Variants in ADGRL3 observed in about 807,000 individuals in gnomAD.
ADGRL3 encodes calcium-independent alpha-latrotoxin receptor 3.
In ADGRL3, 62 loss-of-function variants were observed where a neutral mutation model predicts 153.5. That is an observed-to-expected ratio of 0.40 (90% CI 0.33 to 0.50). The LOEUF (loss-of-function observed/expected upper bound fraction) is 0.50, where lower values mean the gene tolerates loss of function less well. ADGRL3 is among the 20% of genes least tolerant of loss of function. The pLI is 0.47. For missense variants in ADGRL3, 1,641 were observed against 1,859.4 expected (o/e 0.88, Z 2.16); for synonymous variants, 710 against 672.5 (o/e 1.06, Z -0.86).
intron 1 of ADGRL3, among the ~76,000 whole-genome samples, chr4:61,244,276 G>A (rs991195667): frequency 6.6e-6 from 1 of 151,840 alleles, no homozygotes; most frequent in African/African-American, 2.4e-5. Flanking sequence ...TCTACTCTCT[G>A]GGGCATATTT....
At chr4:61,361,231 T>TTAA (rs1050359868) in intron 1 of ADGRL3, among the ~76,000 whole-genome samples, 1 of 152,148 alleles carries the variant, frequency 6.6e-6, no homozygotes, top group South Asian at 2.1e-4. Flanking sequence ...TAAAGTGGGT[T>TTAA]TAATAATAAT....
chr4:61,577,363 C>T (rs1001893897), intron 4 of ADGRL3, among the ~76,000 whole-genome samples: 1 of 151,980 alleles, frequency 6.6e-6, no homozygotes. Flanking sequence ...TTAACTGTGA[C>T]CTCCATTCAT....
intron 1 of ADGRL3, among the ~76,000 whole-genome samples, chr4:61,349,768 G>A (rs560674746): frequency 2.6e-5 from 4 of 152,130 alleles, no homozygotes; most frequent in East Asian, 3.9e-4. Context: ...AAACTGCGGG[G>A]CCTATAAAGC....
intron 8 of ADGRL3, among the ~76,000 whole-genome samples, chr4:61,754,023 G>A (rs1014313290): frequency 6.6e-6 from 1 of 152,184 alleles, no homozygotes; most frequent in Non-Finnish European, 1.5e-5. Flanking sequence ...TCCTGAGCCT[G>A]CCGGGAAGTG....
At chr4:61,830,707 T>C (rs2097858904) in intron 9 of ADGRL3, among the ~76,000 whole-genome samples, 1 of 152,060 alleles carries the variant, frequency 6.6e-6, no homozygotes, top group Non-Finnish European at 1.5e-5. Context: ...TGCTACAGAA[T>C]AGGAAAATAT....
chr4:61,947,877 T>A lies in ADGRL3; in HGVS notation c.2629-223T>A, dbSNP rs532552004. On this transcript the variant is annotated intron_variant, in intron 16 of 26. Transcript: ENST00000683033. Reference sequence around the variant, plus strand: ...TGGTACTAGTATATTATTTTAGTGTTAATTTAAAAAAATAGTGCACTCTTC... The same window carrying A: ...TGGTACTAGTATATTATTTTAGTGTAAATTTAAAAAAATAGTGCACTCTTC... Among the ~76,000 whole-genome samples, 392 of 152,312 alleles carry A rather than the reference T, an allele frequency of 2.6e-3. 3 individuals are homozygous for A. The highest frequency in any genetic ancestry group is 2.9e-3 in the Admixed American group (44 of 15,288).
intron 1 of ADGRL3, among the ~76,000 whole-genome samples, chr4:61,289,185 C>A (rs2094069354): frequency 6.6e-6 from 1 of 151,846 alleles, no homozygotes; most frequent in Non-Finnish European, 1.5e-5. Flanking sequence ...TAAATTCTAA[C>A]AGGCATGACT....
intron 9 of ADGRL3, among the ~76,000 whole-genome samples, chr4:61,835,240 C>A (rs1406092330): frequency 6.7e-6 from 1 of 148,196 alleles, no homozygotes; most frequent in Admixed American, 6.8e-5. Flanking sequence ...AAAACGAGTT[C>A]TGCGGCTCCT....
At position 61,829,487 on chromosome 4, in the gene ADGRL3, G is replaced by A. The variant is rs542115897; in HGVS notation, c.1480+15598G>A. ...AAATTCCATACTCAATTATGTTAAT[G>A]CCCGTATCTGTTTAAAATAAGCACA... On this transcript the variant is annotated intron_variant, in intron 9 of 26. Transcript: ENST00000683033. Among the ~76,000 whole-genome samples the A allele has an allele frequency of 2.0e-5, 3 of 152,178 alleles. No homozygotes were observed. In the South Asian group the frequency reaches 6.2e-4, roughly 32 times the overall value.
At chr4:61,919,132 C>G (rs1286577483) in intron 13 of ADGRL3, among the ~76,000 whole-genome samples, 1 of 152,096 alleles carries the variant, frequency 6.6e-6, no homozygotes, top group East Asian at 1.9e-4. Flanking sequence ...GCTGGATGTC[C>G]TTGTTAAAGT....
intron 3 of ADGRL3, among the ~76,000 whole-genome samples, chr4:61,516,695 A>T (rs1560767943): frequency 2.0e-5 from 3 of 152,148 alleles, no homozygotes; most frequent in Non-Finnish European, 1.5e-5. Context: ...AAATGTGTGT[A>T]TATCCTTTTC....
chr4:61,709,939 C>A (rs1456312399), intron 6 of ADGRL3, among the ~76,000 whole-genome samples: 2 of 152,038 alleles, frequency 1.3e-5, no homozygotes, highest in Admixed American at 1.3e-4. Context: ...TTGACTTTTA[C>A]CATGATATAG....
At chr4:62,029,186 G>A (rs752967587) in intron 22 of ADGRL3, among the ~76,000 whole-genome samples, 1 of 151,620 alleles carries the variant, frequency 6.6e-6, no homozygotes, top group Non-Finnish European at 1.5e-5. Flanking sequence ...CTTTCATTGT[G>A]ATGTGTTCCT....
At chr4:61,896,651 A>G (rs1481444726) in intron 11 of ADGRL3, among the ~76,000 whole-genome samples, 1 of 152,204 alleles carries the variant, frequency 6.6e-6, no homozygotes, top group African/African-American at 2.4e-5. Context: ...CCAGTAGATC[A>G]TTTAGCAGAT....
chr4:61,385,428 A>G (rs534572070), intron 2 of ADGRL3: 6 of 152,418 alleles, frequency 3.9e-5, no homozygotes, highest in South Asian at 2.1e-4. Flanking sequence ...GGAAACAGCA[A>G]TCCTTCAATG....
intron 21 of ADGRL3, among the ~76,000 whole-genome samples, chr4:62,010,741 A>T (rs978894304): frequency 2.6e-5 from 4 of 152,102 alleles, no homozygotes; most frequent in African/African-American, 9.7e-5. Context: ...CTGTCTTCAA[A>T]TTCTTTATGA....
At chr4:61,654,454 G>A (rs539735825) in intron 5 of ADGRL3, among the ~76,000 whole-genome samples, 5 of 151,946 alleles carry the variant, frequency 3.3e-5, no homozygotes, top group Admixed American at 6.5e-5. Context: ...TTAATATGCT[G>A]TAGGGATGTA....
intron 21 of ADGRL3, among the ~76,000 whole-genome samples, chr4:62,005,943 T>G (rs1167855459): frequency 1.4e-5 from 2 of 142,594 alleles, no homozygotes; most frequent in African/African-American, 5.2e-5. Flanking sequence ...TTTATTTATA[T>G]ATATACATAC....
At chr4:61,907,139 A>C (rs2098699519) in intron 11 of ADGRL3, among the ~76,000 whole-genome samples, 1 of 152,186 alleles carries the variant, frequency 6.6e-6, no homozygotes, top group African/African-American at 2.4e-5. Context: ...ATTTAGGGTG[A>C]GTCCGCAGTG....
Sources: allele counts gnomAD v4.1 joint callset (sites outside exome capture counted in the v4.1 genomes callset), GRCh38; gene constraint gnomAD v4.1.1; transcripts MANE v1.5; gene names NCBI Gene and HGNC (gene_info 2026-07-23, HGNC 2026-07-21).